The following CADPS variants were observed in gnomAD, a reference collection of about 807,000 sequenced individuals.
The protein encoded by CADPS is calcium-dependent secretion activator 1.
A neutral mutation model predicts 167.3 loss-of-function variants in CADPS; 57 were observed. That is an observed-to-expected ratio of 0.34 (90% CI 0.28 to 0.42). The LOEUF (loss-of-function observed/expected upper bound fraction) is 0.42. Ranked by LOEUF, CADPS falls within the 20% of genes least tolerant of loss-of-function variation. The pLI is 1.00. For missense variants in CADPS, 1,414 were observed against 1,738.1 expected (o/e 0.81, Z 3.32); for synonymous variants, 676 against 635.3 (o/e 1.06, Z -0.96).
chr3:62,480,058 GT>G (rs11343208), intron 22 of CADPS, among the ~76,000 whole-genome samples: 14,268 of 149,230 alleles, frequency 0.096, 1,609 homozygotes, highest in African/African-American at 0.27. Context: ...TTCTTGTAGG[GT>G]TTTTTTTTTC....
chr3:62,613,782 C>G (rs1188234178), intron 6 of CADPS, among the ~76,000 whole-genome samples: 1 of 152,086 alleles, frequency 6.6e-6, no homozygotes, highest in Non-Finnish European at 1.5e-5. Context: ...AAACCGATAG[C>G]TGAAATGAAG....
chr3:62,475,604 A>C (rs902418594), intron 23 of CADPS, among the ~76,000 whole-genome samples: 2 of 149,314 alleles, frequency 1.3e-5, no homozygotes, highest in East Asian at 1.9e-4. Flanking sequence ...AAAAAAAAAA[A>C]AAAAAAAACA....
At chr3:62,633,013 C>G (rs1439763238) in intron 6 of CADPS, among the ~76,000 whole-genome samples, 2 of 152,038 alleles carry the variant, frequency 1.3e-5, no homozygotes, top group African/African-American at 4.8e-5. Flanking sequence ...TTCACCGAGA[C>G]GCTAGCACTA....
chr3:62,688,872 C>CT (rs1045364275), intron 3 of CADPS, among the ~76,000 whole-genome samples: 22 of 151,976 alleles, frequency 1.4e-4, no homozygotes, highest in Non-Finnish European at 2.8e-4. Context: ...CTGTAACCCA[C>CT]TTTCCACAGG....
intron 1 of CADPS, among the ~76,000 whole-genome samples, chr3:62,820,631 T>G (rs1045747137): frequency 6.6e-6 from 1 of 152,146 alleles, no homozygotes; most frequent in African/African-American, 2.4e-5. Flanking sequence ...TTAATAACAA[T>G]ACTATCTGAA....
rs2074149561 is a variant in CADPS, at chr3:62,533,629, C to A, written c.2104-571G>T. Among the ~76,000 whole-genome samples the A allele has an allele frequency of 2.0e-5, 3 of 152,140 alleles. No homozygotes were observed. The South Asian group carries it at 6.2e-4, about 32-fold the overall frequency. On this transcript the variant is annotated intron_variant, in intron 12 of 29. Coordinates refer to ENST00000383710, the MANE Select transcript of CADPS (RefSeq NM_003716.4). ...TACAAAACAGAGGCAGGACTCAAATCCAGCTCTGTCATATTCCAAGTCTTC... is the reference window on the plus strand; with the variant it reads ...TACAAAACAGAGGCAGGACTCAAATACAGCTCTGTCATATTCCAAGTCTTC...
At chr3:62,816,270 C>T (rs1156279436) in intron 1 of CADPS, among the ~76,000 whole-genome samples, 1 of 152,078 alleles carries the variant, frequency 6.6e-6, no homozygotes, top group Non-Finnish European at 1.5e-5. Flanking sequence ...AAAGGTTTAG[C>T]TAACTGAAGG....
chr3:62,644,941 G>A (rs1031548897), intron 6 of CADPS, among the ~76,000 whole-genome samples: 2 of 152,148 alleles, frequency 1.3e-5, no homozygotes, highest in African/African-American at 2.4e-5. Context: ...ACTGTGAGCT[G>A]TGGAGGGCTA....
intron 1 of CADPS, among the ~76,000 whole-genome samples, chr3:62,860,747 G>A (rs930382821): frequency 2.6e-5 from 4 of 152,192 alleles, no homozygotes; most frequent in Non-Finnish European, 5.9e-5. Flanking sequence ...AGAAGAGACA[G>A]AGGATCAGGA....
rs117560514 is a variant in CADPS at position 62,511,510 on chromosome 3, T to C, written c.2599+1241A>G. 5.9e-5 allele frequency among the ~76,000 whole-genome samples: 9 copies of C among 152,294 alleles called. No homozygotes were observed. In the East Asian group the frequency reaches 9.6e-4, roughly 16 times the overall value. ...TAAGTTAATAATATGCTTAGAATCA[T>C]ACCTGGAACATGATATGCATTAAAT... On this transcript the variant is annotated intron_variant, in intron 17 of 29. Transcript: ENST00000383710.
At chr3:62,496,591 G>A (rs1170647628) in intron 18 of CADPS, among the ~76,000 whole-genome samples, 1 of 152,154 alleles carries the variant, frequency 6.6e-6, no homozygotes, top group Admixed American at 6.5e-5. Context: ...TTTGTGCCAG[G>A]CATAACACCA....
intron 11 of CADPS, among the ~76,000 whole-genome samples, chr3:62,543,872 C>A (rs1034825970): frequency 6.6e-6 from 1 of 152,018 alleles, no homozygotes; most frequent in Non-Finnish European, 1.5e-5. Context: ...AGTATGTGTT[C>A]TTTTTTATTA....
At chr3:62,712,025 C>T (rs1230485498) in intron 3 of CADPS, among the ~76,000 whole-genome samples, 1 of 152,112 alleles carries the variant, frequency 6.6e-6, no homozygotes, top group East Asian at 1.9e-4. Context: ...ATTTTGACAT[C>T]TTTCTATTTC....
At chr3:62,477,790 G>A (rs1477663914) in intron 23 of CADPS, among the ~76,000 whole-genome samples, 14 of 152,048 alleles carry the variant, frequency 9.2e-5, no homozygotes, top group Admixed American at 7.9e-4. Flanking sequence ...TTTTATATAC[G>A]GAGTGAATGA....
In CADPS at chr3:62,745,525, C is replaced by T. The variant is rs555668872; in HGVS notation, c.888+7916G>A. On this transcript the variant is annotated intron_variant, in intron 3 of 29. Transcript: ENST00000383710. The stretch of plus-strand genomic sequence containing the variant: ...TTGAAAAGACATGGTTAATTTCTGT[C>T]CCTCTTTGATCAACCTTGTCTTGGA... Among the ~76,000 whole-genome samples the T allele has an allele frequency of 9.9e-5, 15 of 152,250 alleles. No homozygotes were observed. The South Asian group carries it at 3.1e-3, about 32-fold the overall frequency.
In CADPS at chr3:62,514,741, C is replaced by T. The variant is rs2068591136; in HGVS notation, c.2581+1318G>A. ...CCATGGCAACAGAACGTTTCTTGAT[C>T]CCATCCCATCTCTGGACTTGCCTAG... is the stretch of plus-strand genomic sequence containing the variant. On this transcript the variant is annotated intron_variant, in intron 16 of 29. Transcript: ENST00000383710. This position sits in a 1 kb window ranked among gnomAD's most constrained non-coding sequence, Gnocchi z 4.2. 6.6e-6 allele frequency among the ~76,000 whole-genome samples: 1 copy of T among 152,130 alleles called. No individual in the cohort carries two copies. The highest frequency in any genetic ancestry group is 1.5e-5 in the Non-Finnish European group (1 of 67,990).
At chr3:62,799,272 C>G (rs945825844) in intron 1 of CADPS, among the ~76,000 whole-genome samples, 11 of 152,232 alleles carry the variant, frequency 7.2e-5, no homozygotes, top group Admixed American at 1.3e-4. Context: ...AGAGCTAACT[C>G]TAGATTCTGG....
intron 3 of CADPS, among the ~76,000 whole-genome samples, chr3:62,747,970 C>T (rs2081842464): frequency 6.6e-6 from 1 of 151,942 alleles, no homozygotes. Flanking sequence ...TCATATTCAC[C>T]ACATCTTCAA....
At chr3:62,660,336 C>G (rs1340428366) in intron 4 of CADPS, among the ~76,000 whole-genome samples, 1 of 152,094 alleles carries the variant, frequency 6.6e-6, no homozygotes, top group African/African-American at 2.4e-5. Flanking sequence ...TCTGGATAAT[C>G]CACCAGTAGG....
Sources: gnomAD v4.1 joint callset for allele counts (sites outside exome capture counted in the v4.1 genomes callset) on GRCh38, gnomAD v4.1.1 for gene constraint, Gnocchi (gnomAD v3.1) non-coding constraint, MANE v1.5 for transcripts, NCBI Gene and HGNC (gene_info 2026-07-23, HGNC 2026-07-21) for gene names.